ERC1: variants seen among roughly 807,000 people sequenced by gnomAD.
ERC1 encodes ELKS/RAB6-interacting/CAST family member 1.
In ERC1, 56 loss-of-function variants were observed where a neutral mutation model predicts 132.0. The observed-to-expected ratio is 0.42, with a 90% CI of 0.34 to 0.53. The LOEUF (loss-of-function observed/expected upper bound fraction) is 0.53, where lower values mean the gene tolerates loss of function less well. ERC1 is among the 20% of genes least tolerant of loss of function. The pLI, the probability that ERC1 is intolerant of heterozygous loss-of-function variation, is 0.03. For synonymous variants in ERC1, 478 were observed against 476.1 expected, an observed-to-expected ratio of 1.00 and a Z score of -0.05; for missense variants, 1,202 against 1,349.9, an observed-to-expected ratio of 0.89 and a Z score of 1.72.
intron 3 of ERC1, among the ~76,000 whole-genome samples, chr12:1,100,332 A>G (rs1294101323): frequency 6.6e-6 from 1 of 152,208 alleles, no homozygotes; most frequent in Non-Finnish European, 1.5e-5. Flanking sequence ...CAGAGAGGTA[A>G]CAGGGCCGGA....
At chr12:1,077,846 C>T (rs1052897795) in intron 2 of ERC1, among the ~76,000 whole-genome samples, 11 of 152,226 alleles carry the variant, frequency 7.2e-5, no homozygotes, top group African/African-American at 2.6e-4. Flanking sequence ...TTTTTTCCTT[C>T]TTCTAAAGGA....
At chr12:1,104,706 G>A (rs1315092111) in intron 3 of ERC1, 44 bp from the exon 4 acceptor site, 1 of 1,376,398 alleles carries the variant, frequency 7.3e-7, no homozygotes, top group African/African-American at 1.4e-5. Context: ...AAAAATGAGG[G>A]TGAACAGGAG....
intron 15 of ERC1, among the ~76,000 whole-genome samples, chr12:1,352,582 A>AAAACATCAC (rs1195002162): frequency 6.6e-6 from 1 of 151,932 alleles, no homozygotes; most frequent in African/African-American, 2.4e-5. Flanking sequence ...CTTAATTCAG[A>AAAACATCAC]AAACATCACA....
chr12:1,335,989 T>C (rs2083281883), intron 15 of ERC1, among the ~76,000 whole-genome samples: 1 of 152,180 alleles, frequency 6.6e-6, no homozygotes, highest in Non-Finnish European at 1.5e-5. Flanking sequence ...GGTTCAGTCT[T>C]GGGAGGGTGT....
intron 17 of ERC1, among the ~76,000 whole-genome samples, chr12:1,424,348 G>C (rs954743541): frequency 6.6e-6 from 1 of 152,118 alleles, no homozygotes; most frequent in Non-Finnish European, 1.5e-5. Flanking sequence ...TCATAAATAC[G>C]ACACCTTATG....
At chr12:1,225,117 T>A (rs1273541274) in intron 12 of ERC1, among the ~76,000 whole-genome samples, 1 of 92,076 alleles carries the variant, frequency 1.1e-5, no homozygotes, top group African/African-American at 3.2e-5. Flanking sequence ...TCTGTATTCC[T>A]TAGTTAGCAT....
intron 8 of ERC1, among the ~76,000 whole-genome samples, chr12:1,156,923 T>C (rs1951451277): frequency 6.6e-6 from 1 of 152,166 alleles, no homozygotes; most frequent in South Asian, 2.1e-4. Context: ...GTAAATACAT[T>C]GGTCTATTTC....
intron 7 of ERC1, among the ~76,000 whole-genome samples, chr12:1,137,223 C>T (rs531361197): frequency 4.0e-5 from 6 of 151,162 alleles, no homozygotes; most frequent in Non-Finnish European, 7.4e-5. Context: ...CTCAGCCTCC[C>T]GAGTAGCTGG....
At chr12:1,258,952 CA>C (rs1372564463) in intron 13 of ERC1, among the ~76,000 whole-genome samples, 1 of 152,170 alleles carries the variant, frequency 6.6e-6, no homozygotes, top group Non-Finnish European at 1.5e-5. Context: ...TCACAGTAAA[CA>C]GTTAACTTAC....
chr12:1,252,773 G>C (rs966505547), intron 13 of ERC1, among the ~76,000 whole-genome samples: 1 of 152,146 alleles, frequency 6.6e-6, no homozygotes, highest in Non-Finnish European at 1.5e-5. Flanking sequence ...ACCAAATTCT[G>C]TCTCTGTGTT....
intron 16 of ERC1, among the ~76,000 whole-genome samples, chr12:1,389,525 C>G (rs1381998941): frequency 6.6e-6 from 1 of 152,168 alleles, no homozygotes; most frequent in African/African-American, 2.4e-5. Flanking sequence ...AGAATTGGCT[C>G]TACTGGATAT....
chr12:990,952 A>AGT (rs138094397), upstream of ERC1: 87,833 of 150,010 alleles, frequency 0.59, 27,309 homozygotes, highest in East Asian at 0.79. Flanking sequence ...TGTGTGTGTG[A>AGT]GTGTGTGTGT....
intron 2 of ERC1, among the ~76,000 whole-genome samples, chr12:1,065,639 C>G (rs1271596670): frequency 4.0e-5 from 6 of 151,300 alleles, no homozygotes; most frequent in Admixed American, 1.3e-4. Context: ...AATTGAGTTT[C>G]TTTTGAGGTG....
At chr12:1,075,106 A>T (rs1235984262) in intron 2 of ERC1, among the ~76,000 whole-genome samples, 1 of 152,044 alleles carries the variant, frequency 6.6e-6, no homozygotes, top group Non-Finnish European at 1.5e-5. Context: ...ATTACCTTGG[A>T]GGCTCTTCCC....
chr12:1,360,925 AAATAG>A (rs1399109564), intron 15 of ERC1, among the ~76,000 whole-genome samples: 2 of 151,822 alleles, frequency 1.3e-5, no homozygotes, highest in East Asian at 1.9e-4. Context: ...AAAAATAAAT[AAATAG>A]AATAGAATAA....
intron 8 of ERC1, among the ~76,000 whole-genome samples, chr12:1,148,625 T>C (rs911102087): frequency 6.6e-6 from 1 of 152,174 alleles, no homozygotes; most frequent in African/African-American, 2.4e-5. Context: ...TTTTTGAGAC[T>C]GAGTCTCACT....
rs183462103 is a variant in ERC1, at chr12:1,143,530, A to G, written c.1737+1743A>G. Among the ~76,000 whole-genome samples, 154 of 150,474 alleles carry G rather than the reference A, an allele frequency of 1.0e-3. 1 individual carries two copies. Among genetic ancestry groups the G allele is most frequent in the African/African-American group, 3.3e-3 (138 of 41,244 alleles). On this transcript the variant is annotated intron_variant, in intron 8 of 18. Coordinates refer to ENST00000360905, the MANE Select transcript of ERC1 (RefSeq NM_178040.4). ...GTTTAAATTTTTGTGTTTTTGTGATATATGTTAATAGCTAATTCCTTCTAA... is the reference window on the plus strand; with the variant it reads ...GTTTAAATTTTTGTGTTTTTGTGATGTATGTTAATAGCTAATTCCTTCTAA...
At chr12:1,132,814 A>AGAATTT (rs753649544) in intron 7 of ERC1, among the ~76,000 whole-genome samples, 8 of 152,096 alleles carry the variant, frequency 5.3e-5, no homozygotes, top group Non-Finnish European at 1.2e-4. Flanking sequence ...CTTTGTAGTA[A>AGAATTT]GAATTTGTGT....
At chr12:1,360,789 A>G (rs1003618412) in intron 15 of ERC1, among the ~76,000 whole-genome samples, 79 of 152,152 alleles carry the variant, frequency 5.2e-4, no homozygotes, top group African/African-American at 1.9e-3. Flanking sequence ...AGTAACGTTT[A>G]AGGAAATACA....
Sources: gnomAD v4.1 joint callset for allele counts (sites outside exome capture counted in the v4.1 genomes callset) on GRCh38, gnomAD v4.1.1 for gene constraint, MANE v1.5 for transcripts, NCBI Gene and HGNC (gene_info 2026-07-23, HGNC 2026-07-21) for gene names.